Variants in MDGA2 observed in about 807,000 individuals in gnomAD.
The protein encoded by MDGA2 is MAM domain containing glycosylphosphatidylinositol anchor 2.
MDGA2 carries 40 observed loss-of-function variants against 117.8 expected under a neutral mutation model. The observed-to-expected ratio is 0.34, with a 90% CI of 0.26 to 0.44. The LOEUF is 0.44. Among genes scored for constraint, MDGA2 ranks in the 20% least tolerant of loss-of-function variants. The probability of loss-of-function intolerance (pLI) is 1.00; values close to 1 mark genes in which losing one functional copy is unlikely to be tolerated. For missense variants in MDGA2, 1,123 were observed against 1,250.6 expected (o/e 0.90, Z 1.54); for synonymous variants, 452 against 439.0 (o/e 1.03, Z -0.37).
intron 16 of MDGA2, among the ~76,000 whole-genome samples, 162 bp downstream of exon 16, chr14:46,845,603 CT>C (rs1279020507): frequency 6.6e-6 from 1 of 152,076 alleles, no homozygotes; most frequent in African/African-American, 2.4e-5. Flanking sequence ...GAATTTAATA[CT>C]TTAAAAATAA....
intron 8 of MDGA2, among the ~76,000 whole-genome samples, chr14:46,975,285 A>G (rs1886413000): frequency 6.6e-6 from 1 of 152,122 alleles, no homozygotes; most frequent in East Asian, 1.9e-4. Context: ...AAAACAGTAT[A>G]GTTGTTTCTC....
intron 10 of MDGA2, among the ~76,000 whole-genome samples, chr14:46,915,365 T>C (rs1319875857): frequency 2.0e-5 from 3 of 152,142 alleles, no homozygotes; most frequent in Admixed American, 1.3e-4. Flanking sequence ...AGGTGATGGA[T>C]ACCCTAAATA....
intron 15 of MDGA2, among the ~76,000 whole-genome samples, chr14:46,852,787 C>T (rs933403930): frequency 3.3e-5 from 5 of 151,882 alleles, no homozygotes; most frequent in Non-Finnish European, 7.4e-5. Context: ...ACTCTAGTCT[C>T]GCCTAAGAAA....
chr14:47,321,644 T>A (rs1169658469), intron 1 of MDGA2, among the ~76,000 whole-genome samples: 1 of 152,190 alleles, frequency 6.6e-6, no homozygotes, highest in Non-Finnish European at 1.5e-5. Flanking sequence ...CTTACTGCAA[T>A]TTTATCTGAG....
At chr14:46,983,456 G>A (rs1886757571) in intron 8 of MDGA2, among the ~76,000 whole-genome samples, 1 of 151,810 alleles carries the variant, frequency 6.6e-6, no homozygotes, top group East Asian at 1.9e-4. Flanking sequence ...TCTGTCAACC[G>A]AAATATTCTA....
intron 2 of MDGA2, among the ~76,000 whole-genome samples, chr14:47,223,045 T>C (rs1886357525): frequency 6.6e-6 from 1 of 152,136 alleles, no homozygotes; most frequent in Admixed American, 6.5e-5. Context: ...AGGCACTTCT[T>C]ACATGGTGGT....
At chr14:47,016,135 T>C (rs913338523) in intron 8 of MDGA2, among the ~76,000 whole-genome samples, 10 of 152,108 alleles carry the variant, frequency 6.6e-5, no homozygotes, top group African/African-American at 2.4e-4. Context: ...TGAAAGAGTC[T>C]GCAAGCTGTC....
intron 11 of MDGA2, among the ~76,000 whole-genome samples, chr14:46,878,776 A>G (rs1160894964): frequency 6.6e-6 from 1 of 151,380 alleles, no homozygotes; most frequent in Non-Finnish European, 1.5e-5. Context: ...TTCATAGTTA[A>G]TATGAAATTC....
intron 1 of MDGA2, among the ~76,000 whole-genome samples, chr14:47,419,038 TAA>T (rs889273774): frequency 5.3e-5 from 8 of 152,148 alleles, no homozygotes; most frequent in African/African-American, 1.9e-4. Flanking sequence ...CGAAACTAAA[TAA>T]TTTTGAGTTA....
intron 15 of MDGA2, among the ~76,000 whole-genome samples, chr14:46,849,859 C>T (rs1281618974): frequency 1.3e-5 from 2 of 151,676 alleles, no homozygotes; most frequent in African/African-American, 4.8e-5. Context: ...GTTTCCTCTT[C>T]AGTACTTCTG....
chr14:47,480,694 C>T (rs1893934304), intron 1 of MDGA2, among the ~76,000 whole-genome samples: 1 of 151,568 alleles, frequency 6.6e-6, no homozygotes, highest in Admixed American at 6.6e-5. Context: ...AAACTTAGTC[C>T]ACCAGAAGTG....
intron 2 of MDGA2, among the ~76,000 whole-genome samples, chr14:47,281,212 G>A (rs1594770397): frequency 1.3e-5 from 2 of 150,210 alleles, no homozygotes; most frequent in East Asian, 3.9e-4. Context: ...TTTTCAATTA[G>A]AATCTGGACA....
In MDGA2 at chr14:47,352,134, A is replaced by T. The variant is rs141545691; in HGVS notation, c.281-50584T>A. The stretch of plus-strand genomic sequence containing the variant: ...GGCACATGATTATTTCAAAAATTAA[A>T]TGCAATTTGTTCTTGACCCTGACAC... On this transcript the variant is annotated intron_variant, in intron 1 of 16. Transcript: ENST00000399232. 2.0e-5 allele frequency among the ~76,000 whole-genome samples: 3 copies of T among 152,238 alleles called. No homozygotes were observed. In the East Asian group the frequency reaches 5.8e-4, roughly 29 times the overall value.
chr14:47,078,546 G>C (rs1451574482), intron 6 of MDGA2, among the ~76,000 whole-genome samples: 2 of 152,016 alleles, frequency 1.3e-5, no homozygotes, highest in African/African-American at 2.4e-5. Flanking sequence ...TAGACATTAG[G>C]ACAGCACAAC....
At chr14:47,426,949 A>G (rs1892704313) in intron 1 of MDGA2, among the ~76,000 whole-genome samples, 1 of 151,980 alleles carries the variant, frequency 6.6e-6, no homozygotes, top group Admixed American at 6.6e-5. Context: ...AAATCATAGG[A>G]AAAATGTCTG....
chr14:47,540,540 G>GTGTGTGTGTGTGTGTATATATATATA lies in MDGA2; in HGVS notation c.280+133976_280+133977insTATATATATATACACACACACACACA. On this transcript the variant is annotated intron_variant, in intron 1 of 16. Coordinates refer to ENST00000399232, the MANE Select transcript of MDGA2 (RefSeq NM_001113498.3). ...TGTATATGTGTGTGTGTGTGTGTGT[G>GTGTGTGTGTGTGTGTATATATATATA]TATATATATATATGTATATATATAC... Among the ~76,000 whole-genome samples the GTGTGTGTGTGTGTGTATATATATATA allele has an allele frequency of 6.1e-3, 478 of 78,994 alleles. 11 individuals are homozygous for GTGTGTGTGTGTGTGTATATATATATA. Among genetic ancestry groups the GTGTGTGTGTGTGTGTATATATATATA allele is most frequent in the Middle Eastern group, 0.013 (2 of 158 alleles). The allele number at this position is 78,994 out of a possible 152,430, so 51.8% of individuals were successfully genotyped here.
At chr14:47,257,816 T>C (rs1887672503) in intron 2 of MDGA2, among the ~76,000 whole-genome samples, 1 of 152,136 alleles carries the variant, frequency 6.6e-6, no homozygotes. Context: ...CAGAGTGTTT[T>C]GTAGCACTGG....
chr14:47,528,117 G>A (rs531852828), intron 1 of MDGA2, among the ~76,000 whole-genome samples: 1 of 152,160 alleles, frequency 6.6e-6, no homozygotes, highest in South Asian at 2.1e-4. Flanking sequence ...GAAACTTAAG[G>A]CCAAATAAAA....
chr14:47,101,042 C>A (rs1594620514), intron 5 of MDGA2, among the ~76,000 whole-genome samples: 1 of 151,348 alleles, frequency 6.6e-6, no homozygotes, highest in African/African-American at 2.4e-5. Flanking sequence ...GCCTGAGGTG[C>A]TCTGTAGTGG....
Sources: gnomAD v4.1 joint callset for allele counts (sites outside exome capture counted in the v4.1 genomes callset) on GRCh38, gnomAD v4.1.1 for gene constraint, MANE v1.5 for transcripts, NCBI Gene and HGNC (gene_info 2026-07-23, HGNC 2026-07-21) for gene names.